Variants in SLC4A4 observed in about 807,000 individuals in gnomAD.
SLC4A4 encodes solute carrier family 4 member 4.
SLC4A4 carries 27 observed loss-of-function variants against 111.5 expected under a neutral mutation model. That is an observed-to-expected ratio of 0.24 (90% CI 0.18 to 0.33). The LOEUF is 0.33. Ranked by LOEUF, SLC4A4 falls within the 10% of genes least tolerant of loss-of-function variation. SLC4A4 has a pLI of 1.00. For missense variants in SLC4A4, 909 were observed against 1,315.5 expected, an observed-to-expected ratio of 0.69 and a Z score of 4.78; for synonymous variants, 443 against 463.4, an observed-to-expected ratio of 0.96 and a Z score of 0.57.
intron 16 of SLC4A4, among the ~76,000 whole-genome samples, chr4:71,531,676 A>G (rs1016084394): frequency 3.3e-5 from 5 of 151,234 alleles, no homozygotes; most frequent in Admixed American, 2.0e-4. Context: ...ATTCTTATGC[A>G]GGTGACCTTC....
At chr4:71,445,839 G>A (rs1338882344) in intron 8 of SLC4A4, among the ~76,000 whole-genome samples, 5 of 152,200 alleles carry the variant, frequency 3.3e-5, no homozygotes, top group Non-Finnish European at 5.9e-5. Flanking sequence ...TCCTAAAGAA[G>A]CACTTTATAA....
intron 1 of SLC4A4, among the ~76,000 whole-genome samples, chr4:71,084,467 A>G (rs918421811): frequency 6.6e-6 from 1 of 151,946 alleles, no homozygotes; most frequent in Non-Finnish European, 1.5e-5. Context: ...GGTTAGTTAC[A>G]TATGTATACA....
At chr4:71,260,322 G>A (rs1466025891) in intron 3 of SLC4A4, among the ~76,000 whole-genome samples, 2 of 152,050 alleles carry the variant, frequency 1.3e-5, no homozygotes, top group Non-Finnish European at 2.9e-5. Context: ...TGGTACATTT[G>A]TACTTTTTCT....
chr4:71,502,106 C>G (rs564804526), intron 16 of SLC4A4, among the ~76,000 whole-genome samples: 1 of 152,160 alleles, frequency 6.6e-6, no homozygotes, highest in Non-Finnish European at 1.5e-5. Context: ...GGATTACAGG[C>G]GCTTGCCACC....
intron 3 of SLC4A4, among the ~76,000 whole-genome samples, chr4:71,314,680 C>CA (rs766619329): frequency 4.6e-5 from 7 of 152,108 alleles, no homozygotes; most frequent in Non-Finnish European, 7.4e-5. Context: ...GAAGACCCAA[C>CA]ACTGCATATT....
rs1745684167 is a variant in SLC4A4 at position 71,190,480 on chromosome 4, A to G, written c.-2+3079A>G. Among the ~76,000 whole-genome samples the G allele has an allele frequency of 2.0e-5, 3 of 152,024 alleles. No individual in the cohort carries two copies. The South Asian group carries it at 6.2e-4, about 32-fold the overall frequency. ...CTGATTTAATTTTGTCGGAAGCCAT[A>G]TTAACTACTTTCGTAATACTTCTGT... On this transcript the variant is annotated intron_variant, in intron 1 of 25. Coordinates refer to ENST00000264485, the MANE Select transcript of SLC4A4 (RefSeq NM_001098484.3).
intron 12 of SLC4A4, among the ~76,000 whole-genome samples, chr4:71,465,327 TA>T (rs1208154241): frequency 3.9e-5 from 6 of 151,950 alleles, no homozygotes; most frequent in African/African-American, 1.4e-4. Context: ...TGTTTTATTT[TA>T]AAAGTTTTAA....
intron 3 of SLC4A4, among the ~76,000 whole-genome samples, chr4:71,314,588 T>C (rs1726513470): frequency 6.6e-6 from 1 of 152,098 alleles, no homozygotes; most frequent in Non-Finnish European, 1.5e-5. Flanking sequence ...TGTGCAGCCA[T>C]AAAAAAGAAT....
At chr4:71,445,060 T>A (rs1725100596) in intron 8 of SLC4A4, among the ~76,000 whole-genome samples, 1 of 152,228 alleles carries the variant, frequency 6.6e-6, no homozygotes, top group South Asian at 2.1e-4. Context: ...AGAGGAATAC[T>A]ACTTTTATAT....
chr4:71,545,630 T>C (rs757156096), intron 18 of SLC4A4, among the ~76,000 whole-genome samples: 1 of 152,058 alleles, frequency 6.6e-6, no homozygotes, highest in Non-Finnish European at 1.5e-5. Flanking sequence ...ATTGTGACCA[T>C]TGGGCAATGT....
chr4:71,120,677 G>A (rs1743387943), intron 2 of SLC4A4, among the ~76,000 whole-genome samples: 1 of 152,210 alleles, frequency 6.6e-6, no homozygotes. Context: ...AGACCAGCCT[G>A]GTCAACATGG....
intron 7 of SLC4A4, among the ~76,000 whole-genome samples, chr4:71,426,461 G>T (rs547468295): frequency 1.3e-5 from 2 of 152,124 alleles, no homozygotes; most frequent in Non-Finnish European, 2.9e-5. Flanking sequence ...CTGCTCAAAG[G>T]TGTGGGGAGG....
In SLC4A4 at chr4:71,357,145, A is replaced by G. The variant is rs770990234; in HGVS notation, c.688A>G (p.Thr230Ala). 6.2e-7 allele frequency: 1 copy of G among 1,614,210 alleles called. No homozygotes were observed. The highest frequency in any genetic ancestry group is 8.5e-7 in the Non-Finnish European group (1 of 1,180,022). The stretch of plus-strand genomic sequence containing the variant: ...TCGGTCCCTGGCTGACATTGGGAAG[A>G]CAGTCTCCAGTGCAAGTAGGATGTT... ...NLRSLADIGK[T>A]VSSASRMFTN... The change falls in exon 6 of 26, where the codon ACA (threonine) becomes GCA (alanine). Residue 230 changes from threonine to alanine, a missense_variant. Transcript: ENST00000264485.
At chr4:71,421,182 A>G (rs548858160) in intron 7 of SLC4A4, among the ~76,000 whole-genome samples, 1 of 152,188 alleles carries the variant, frequency 6.6e-6, no homozygotes, top group African/African-American at 2.4e-5. Context: ...TAGGGGTTTC[A>G]ATCCTAGTCT....
chr4:71,270,697 C>A (rs1035573062), intron 3 of SLC4A4, among the ~76,000 whole-genome samples: 1 of 152,132 alleles, frequency 6.6e-6, no homozygotes, highest in Non-Finnish European at 1.5e-5. Context: ...TTTGGATGTA[C>A]CAGTTATGTG....
At chr4:71,137,629 A>G (rs1264252761) in intron 2 of SLC4A4, among the ~76,000 whole-genome samples, 2 of 152,140 alleles carry the variant, frequency 1.3e-5, no homozygotes, top group Admixed American at 6.5e-5. Context: ...TGCAAATTTC[A>G]TGGACAGCCA....
intron 13 of SLC4A4, among the ~76,000 whole-genome samples, chr4:71,468,493 A>G (rs1727581783): frequency 1.3e-5 from 2 of 152,058 alleles, no homozygotes; most frequent in African/African-American, 4.8e-5. Context: ...TGGTAACATA[A>G]CATAGTTCCA....
At chr4:71,422,732 A>T (rs1163178599) in intron 7 of SLC4A4, among the ~76,000 whole-genome samples, 2 of 152,150 alleles carry the variant, frequency 1.3e-5, no homozygotes, top group South Asian at 4.2e-4. Flanking sequence ...GCCAAAGACA[A>T]AAACCACATG....
At chr4:71,537,654 C>A (rs1734675385) in intron 18 of SLC4A4, among the ~76,000 whole-genome samples, 1 of 151,638 alleles carries the variant, frequency 6.6e-6, no homozygotes, top group Non-Finnish European at 1.5e-5. Context: ...GCATTATACC[C>A]AATGGCAAGG....
Sources: allele counts gnomAD v4.1 joint callset (sites outside exome capture counted in the v4.1 genomes callset), GRCh38; gene constraint gnomAD v4.1.1; transcripts MANE v1.5; gene names NCBI Gene and HGNC (gene_info 2026-07-23, HGNC 2026-07-21).